ACR: variants seen among roughly 807,000 people sequenced by gnomAD.
ACR encodes acrosin light and heavy chain prepropeptide.
In ACR, 17 loss-of-function variants were observed where a neutral mutation model predicts 26.0. That is an observed-to-expected ratio of 0.65 (90% confidence interval 0.45 to 0.98). The LOEUF (loss-of-function observed/expected upper bound fraction) is 0.98. Among genes scored for constraint, ACR ranks in the 50% least tolerant of loss-of-function variants. The pLI is 0.00. For synonymous variants in ACR, 199 were observed against 207.7 expected (o/e 0.96, Z 0.36); for missense variants, 435 against 519.3 (o/e 0.84, Z 1.58).
chr22:50,740,965 A>C (rs916408166), intron 3 of ACR: 3 of 456,662 alleles, frequency 6.6e-6, no homozygotes, highest in Non-Finnish European at 1.2e-5. Flanking sequence ...AAATGGCAGC[A>C]GTGAGCAGCA....
At chr22:50,740,300 C>A in intron 3 of ACR, 1 of 566,356 alleles carries the variant, frequency 1.8e-6, no homozygotes, top group Non-Finnish European at 3.2e-6. Context: ...CCTGAAACAG[C>A]CTTTGGAGAA....
intron 4 of ACR, 84 bp from the exon 5 acceptor site, chr22:50,744,569 A>G: frequency 2.7e-6 from 4 of 1,480,578 alleles, no homozygotes; most frequent in Non-Finnish European, 3.6e-6. Flanking sequence ...CACTGTGGAA[A>G]TTGTCCTCCC....
chr22:50,740,685 C>G, intron 3 of ACR: 1 of 702,580 alleles, frequency 1.4e-6, no homozygotes, highest in Non-Finnish European at 2.6e-6. Flanking sequence ...CTCTAGAGCT[C>G]TGTCCATAAC....
At chr22:50,740,632 T>C (rs758174442) in intron 3 of ACR, 15 of 702,468 alleles carry the variant, frequency 2.1e-5, no homozygotes, top group South Asian at 1.3e-4. Context: ...CTTCCTGGAG[T>C]GTCCGGCAGG....
At chr22:50,743,140 A>C (rs6009960) in intron 3 of ACR, among the ~76,000 whole-genome samples, 1 of 148,018 alleles carries the variant, frequency 6.8e-6, no homozygotes, top group Non-Finnish European at 1.5e-5. Flanking sequence ...GGTTCACGCC[A>C]TTCTCCTGCC....
chr22:50,743,314 C>T (rs1201434869), intron 3 of ACR, among the ~76,000 whole-genome samples: 2 of 152,180 alleles, frequency 1.3e-5, no homozygotes, highest in Non-Finnish European at 2.9e-5. Flanking sequence ...GGATGACAGG[C>T]GTGAGCCACC....
intron 3 of ACR, 152 bp from the exon 4 acceptor site, chr22:50,743,909 C>G: frequency 1.4e-6 from 1 of 722,600 alleles, no homozygotes; most frequent in Non-Finnish European, 2.4e-6. Context: ...CTAGTCTGCT[C>G]TTTCTGGTGT....
At position 50,744,726 on chromosome 22, in the gene ACR, G is replaced by T. The variant is rs1171682370; in HGVS notation, c.785G>T (p.Trp262Leu). The T allele has an allele frequency of 4.3e-6, 7 of 1,613,242 alleles. No homozygotes were observed. Among genetic ancestry groups the T allele is most frequent in the Non-Finnish European group, 5.1e-6 (6 of 1,179,698 alleles). ...TATGTGGTCGTGGGAATCACAAGCT[G>T]GGGGGTAGGCTGTGCCCGTGCCAAG... Reference protein sequence around the residue: ...SAYVVVGITSWGVGCARAKRP... With the variant: ...SAYVVVGITSLGVGCARAKRP... The change falls in exon 5 of 5, where the codon TGG (tryptophan) becomes TTG (leucine). Residue 262 changes from tryptophan (W) to leucine (L), a missense_variant. Physicochemically the swap from Trp to Leu is moderately conservative, Grantham distance 61. This residue lies in a region of ACR where 314 missense variants were observed against 372.0 expected (regional missense o/e 0.84). Transcript: ENST00000216139.
rs748831621 is a variant in ACR at position 50,744,797 on chromosome 22, G to A, written c.856G>A (p.Ala286Thr). ...TATWPYLNWIASKIGSNALRM... is the reference protein window; with the variant it reads ...TATWPYLNWITSKIGSNALRM... ...CACCTGGCCCTATCTGAACTGGATC[G>A]CCTCCAAGATTGGTTCTAACGCTTT... Residue 286 changes from alanine (A) to threonine (T), a missense_variant, in exon 5 of 5, where the codon GCC (alanine) becomes ACC (threonine). Around this residue, in one of 3 missense-constraint regions of ACR, gnomAD observed 29 missense variants for 59.4 expected, o/e 0.49. Transcript: ENST00000216139. The A allele has an allele frequency of 3.5e-5, 56 of 1,609,432 alleles. No individual in the cohort carries two copies. The Admixed American group carries it at 8.3e-4, about 24-fold the overall frequency.
chr22:50,741,363 A>T (rs2083424049), intron 3 of ACR, among the ~76,000 whole-genome samples: 1 of 151,258 alleles, frequency 6.6e-6, no homozygotes, highest in Admixed American at 6.6e-5. Flanking sequence ...AGCTGCCGAT[A>T]CCCATGGCTC....
chr22:50,738,591 C>A (rs939286274), intron 1 of ACR, among the ~76,000 whole-genome samples: 4 of 151,332 alleles, frequency 2.6e-5, no homozygotes, highest in East Asian at 1.9e-4. Context: ...GAGCCCTTAT[C>A]CCCCCACAGA....
intron 3 of ACR, among the ~76,000 whole-genome samples, chr22:50,742,438 G>GGAGGCT (rs2083428546): frequency 6.6e-6 from 1 of 151,684 alleles, no homozygotes; most frequent in African/African-American, 2.4e-5. Flanking sequence ...CAGCTACTCG[G>GGAGGCT]GAGGCTGAGG....
At chr22:50,743,969 G>A in intron 3 of ACR, 92 bp from the exon 4 acceptor site, 3 of 923,088 alleles carry the variant, frequency 3.2e-6, no homozygotes, top group Admixed American at 3.6e-5. Flanking sequence ...TTTAACTGGA[G>A]CATCACAGAG....
rs1319484267 is a variant in ACR at position 50,739,055 on chromosome 22, G to A, written c.78-216G>A. ...CCTATGGCCTCCTCTTTCTCCATCTGTGACTGCACCCACAAGACCTGAGAA... is the reference window on the plus strand; with the variant it reads ...CCTATGGCCTCCTCTTTCTCCATCTATGACTGCACCCACAAGACCTGAGAA... On this transcript the variant is annotated intron_variant, in intron 1 of 4. Coordinates refer to ENST00000216139, the MANE Select transcript of ACR (RefSeq NM_001097.3). This position sits in a 1 kb window ranked among gnomAD's most constrained non-coding sequence, Gnocchi z 5.5. 2.0e-5 allele frequency among the ~76,000 whole-genome samples: 3 copies of A among 152,178 alleles called. No individual in the cohort carries two copies. The highest frequency in any genetic ancestry group is 4.4e-5 in the Non-Finnish European group (3 of 68,048).
chr22:50,740,778 C>G (rs562294260), intron 3 of ACR: 2 of 697,316 alleles, frequency 2.9e-6, no homozygotes, highest in South Asian at 3.0e-5. Flanking sequence ...CAGATGAGTT[C>G]TAGAAGAGTA....
chr22:50,741,933 G>C (rs1334961023), intron 3 of ACR, among the ~76,000 whole-genome samples: 1 of 151,456 alleles, frequency 6.6e-6, no homozygotes, highest in Non-Finnish European at 1.5e-5. Context: ...TCAGGAGTTT[G>C]AGACCAGCCT....
intron 3 of ACR, chr22:50,740,767 C>A: frequency 8.6e-6 from 6 of 701,726 alleles, no homozygotes; most frequent in Non-Finnish European, 1.6e-5. Flanking sequence ...ACACTCGACA[C>A]CAGATGAGTT....
In ACR at chr22:50,744,226, C is replaced by T. The variant is rs1229027731; in HGVS notation, c.711+20C>T. 6.3e-7 allele frequency: 1 copy of T among 1,599,916 alleles called. No individual in the cohort carries two copies. Among genetic ancestry groups the T allele is most frequent in the South Asian group, 1.1e-5 (1 of 90,750 alleles). On this transcript the variant is annotated intron_variant, in intron 4 of 4. Transcript: ENST00000216139. ...TGCCAGGTAACCTTCCTTCTGGCTT[C>T]TGGGCCCCTGGGTCCCTCCAGGACT...
rs376947740 is a variant in ACR at position 50,739,953 on chromosome 22, G to A, written c.541G>A (p.Gly181Ser). The change falls in exon 3 of 5, where the codon GGC becomes AGC. Residue 181 changes from glycine (G) to serine (S), a missense_variant. Physicochemically the swap from Gly to Ser is moderately conservative, Grantham distance 56. Around this residue, in one of 3 missense-constraint regions of ACR, gnomAD observed 314 missense variants for 372.0 expected, o/e 0.84. Transcript: ENST00000216139. This position sits in a 1 kb window ranked among gnomAD's most constrained non-coding sequence, Gnocchi z 5.5. ...AGGCTCCCAGAGCTGCTGGGTGGCC[G>A]GCTGGGGATATATAGAAGAGAAAGG... ...PRGSQSCWVA[G>S]WGYIEEKAPR... is the part of the protein sequence containing the mutation. 9.4e-5 allele frequency: 152 copies of A among 1,613,698 alleles called. No homozygotes were observed. Among genetic ancestry groups the A allele is most frequent in the Non-Finnish European group, 1.2e-4 (147 of 1,180,046 alleles).
Sources: gnomAD v4.1 joint callset for allele counts (sites outside exome capture counted in the v4.1 genomes callset) on GRCh38, gnomAD v4.1.1 for gene constraint, gnomAD v4.1.1 regional missense constraint, Gnocchi (gnomAD v3.1) non-coding constraint, MANE v1.5 for transcripts, NCBI Gene and HGNC (gene_info 2026-07-23, HGNC 2026-07-21) for gene names.